Variants in ZNF16 observed in about 807,000 individuals in gnomAD.
ZNF16 encodes the protein zinc finger protein KOX9.
A neutral mutation model predicts 9.0 loss-of-function variants in ZNF16; 7 were observed. The ratio of observed to expected loss-of-function variants is 0.78; its 90% CI spans 0.44 to 1.47. The LOEUF is 1.47. Ranked by LOEUF, ZNF16 falls within the 40% of genes most tolerant of loss-of-function variation. The pLI is 0.01. For missense variants in ZNF16, 830 were observed against 854.2 expected (o/e 0.97, Z 0.35); for synonymous variants, 312 against 301.5 (o/e 1.03, Z -0.36).
rs144834152 is a variant in ZNF16, at chr8:144,930,489, G to A, written c.*249C>T. The A allele has an allele frequency of 5.6e-3, 2,413 of 432,094 alleles. 9 individuals are homozygous for A. The highest frequency in any genetic ancestry group is 7.4e-3 in the Non-Finnish European group (1,817 of 245,408). 26.8% of individuals were successfully genotyped at this position (432,094 alleles called of 1,614,324 possible). On this transcript the variant is annotated 3_prime_UTR_variant, in exon 3 of 3. Transcript: ENST00000394909. ...CATAATCTTCTCCCTTGTAACAAACGTGCAGTCCGTTCACAAGCTGTAAAA... is the reference window on the plus strand; with the variant it reads ...CATAATCTTCTCCCTTGTAACAAACATGCAGTCCGTTCACAAGCTGTAAAA...
At position 144,932,661 on chromosome 8, in the gene ZNF16, T is replaced by C. The variant is rs1415003501; in HGVS notation, c.197-71A>G. 3 of 1,517,874 alleles carry C rather than the reference T, an allele frequency of 2.0e-6. No homozygotes were observed. Among genetic ancestry groups the C allele is most frequent in the South Asian group, 1.3e-5 (1 of 79,666 alleles). The allele number at this position is 1,517,874 out of a possible 1,614,324, so 94.0% of individuals were successfully genotyped here. A position where few individuals can be genotyped will look rare whatever the true frequency, so the allele number is the denominator to read the frequency against. ...GGAGCAGGAACATAGACAGTCACAG[T>C]TGCACCCACTAACTGTGGAGGAGGC... On this transcript the variant is annotated intron_variant, in intron 2 of 2. Transcript: ENST00000394909. The surrounding 1 kb of genome is among the most constrained non-coding windows in gnomAD (Gnocchi z 5.0).
At chr8:144,943,473 A>T (rs902725912) in intron 2 of ZNF16, among the ~76,000 whole-genome samples, 18 of 151,162 alleles carry the variant, frequency 1.2e-4, no homozygotes, top group Non-Finnish European at 1.3e-4. Flanking sequence ...CCTACTATGC[A>T]CGTTGGTCTA....
intron 1 of ZNF16, among the ~76,000 whole-genome samples, chr8:144,947,155 G>T (rs1466956099): frequency 7.2e-6 from 1 of 138,872 alleles, no homozygotes; most frequent in Non-Finnish European, 1.5e-5. Flanking sequence ...CCTTCTGTGG[G>T]CCTGTACCCT....
intron 2 of ZNF16, among the ~76,000 whole-genome samples, chr8:144,940,085 C>T (rs1328026065): frequency 6.6e-6 from 1 of 151,952 alleles, no homozygotes; most frequent in Non-Finnish European, 1.5e-5. Context: ...ATCTTTCTTT[C>T]CTTTTTTTTT....
In ZNF16 at chr8:144,931,540, C is replaced by T. The variant is rs867116174; in HGVS notation, c.1247G>A (p.Arg416Gln). 14 of 1,612,936 alleles carry T rather than the reference C, an allele frequency of 8.7e-6. No homozygotes were observed. Among genetic ancestry groups the T allele is most frequent in the African/African-American group, 4.0e-5 (3 of 74,526 alleles). ...ECNDCGKPFS[R>Q]VSNLIKHHRV... ...GTGGTGCTTAATGAGGTTGGAGACC[C>T]GACTGAAGGGCTTGCCACAATCATT... The change falls in exon 3 of 3, where the codon CGG becomes CAG. Residue 416 changes from arginine to glutamine, a missense_variant. Coordinates refer to ENST00000394909, the MANE Select transcript of ZNF16 (RefSeq NM_006958.3).
At chr8:144,934,976 C>T (rs1052518616) in intron 2 of ZNF16, among the ~76,000 whole-genome samples, 4 of 152,022 alleles carry the variant, frequency 2.6e-5, no homozygotes, top group African/African-American at 9.7e-5. Context: ...GAAGAGATGG[C>T]GACCATGAGG....
In ZNF16 at chr8:144,949,789, T is replaced by C. The variant is rs548987696; in HGVS notation, c.-10+1008A>G. 7.3e-4 allele frequency among the ~76,000 whole-genome samples: 111 copies of C among 152,328 alleles called. 2 individuals are homozygous for C. Among genetic ancestry groups the C allele is most frequent in the Middle Eastern group, 6.8e-3 (2 of 294 alleles). ...GACTTCTGCCTTGGAAAGCCGGGTA[T>C]TGTCCAAGATTTGTCCCCATGTGAT... is the stretch of plus-strand genomic sequence containing the variant. On this transcript the variant is annotated intron_variant, in intron 1 of 2. Transcript: ENST00000394909.
At chr8:144,940,957 G>A (rs903582825) in intron 2 of ZNF16, among the ~76,000 whole-genome samples, 1 of 152,078 alleles carries the variant, frequency 6.6e-6, no homozygotes, top group Non-Finnish European at 1.5e-5. Flanking sequence ...TGCTCTCATG[G>A]CCCAGTCACC....
chr8:144,936,343 T>A (rs1285123674), intron 2 of ZNF16, among the ~76,000 whole-genome samples: 1 of 152,250 alleles, frequency 6.6e-6, no homozygotes, highest in African/African-American at 2.4e-5. Flanking sequence ...TTTGTACCTT[T>A]TGGCTATCAT....
intron 2 of ZNF16, among the ~76,000 whole-genome samples, chr8:144,936,158 T>C (rs1414826034): frequency 6.6e-6 from 1 of 152,234 alleles, no homozygotes; most frequent in East Asian, 1.9e-4. Flanking sequence ...GGATATTTTG[T>C]ACAAATGGAA....
chr8:144,937,261 G>A (rs1833708692), intron 2 of ZNF16, among the ~76,000 whole-genome samples: 1 of 148,676 alleles, frequency 6.7e-6, no homozygotes, highest in South Asian at 2.1e-4. Flanking sequence ...AAAGCCTCCA[G>A]AGTAGCTGGA....
chr8:144,941,088 T>C (rs1382630616), intron 2 of ZNF16, among the ~76,000 whole-genome samples: 1 of 152,198 alleles, frequency 6.6e-6, no homozygotes, highest in African/African-American at 2.4e-5. Flanking sequence ...TTAGGTCTAG[T>C]TGGGTTGTAA....
At chr8:144,940,474 CTG>C (rs1386652991) in intron 2 of ZNF16, among the ~76,000 whole-genome samples, 1 of 152,222 alleles carries the variant, frequency 6.6e-6, no homozygotes, top group Non-Finnish European at 1.5e-5. Flanking sequence ...TATTGTCTAA[CTG>C]TCTGATTTCA....
intron 2 of ZNF16, among the ~76,000 whole-genome samples, chr8:144,938,334 A>C (rs1450976061): frequency 4.6e-5 from 7 of 152,236 alleles, no homozygotes; most frequent in Non-Finnish European, 1.0e-4. Flanking sequence ...ATGGCATTGA[A>C]TCTGTAGAAC....
At chr8:144,947,452 C>A (rs913500782) in intron 1 of ZNF16, among the ~76,000 whole-genome samples, 2 of 152,272 alleles carry the variant, frequency 1.3e-5, no homozygotes, top group Admixed American at 6.5e-5. Context: ...TCACAATGCT[C>A]TGAAGCTGGG....
rs1833492728 is a variant in ZNF16, at chr8:144,930,401, C to T, written c.*337G>A. ...ACTATGGTTATCTCAAACCAAACGT[C>T]ACTTTACTTTTTTGGTAACTTTTCA... is the stretch of plus-strand genomic sequence containing the variant. On this transcript the variant is annotated 3_prime_UTR_variant, in exon 3 of 3. Coordinates refer to ENST00000394909, the MANE Select transcript of ZNF16 (RefSeq NM_006958.3). 1 of 236,970 alleles carries T rather than the reference C, an allele frequency of 4.2e-6. No individual in the cohort carries two copies. The highest frequency in any genetic ancestry group is 8.6e-5 in the East Asian group (1 of 11,620). The allele number at this position is 236,970 out of a possible 1,614,324, so 14.7% of individuals were successfully genotyped here.
At position 144,930,911 on chromosome 8, in the gene ZNF16, C is replaced by A. The variant is rs755329381; in HGVS notation, c.1876G>T (p.Glu626Ter). Reference sequence around the variant, plus strand: ...CACTCACTGCATTTGTAGGGGCGCTCGCCCGTGTGGATTATCTGATGCTGA... The same window carrying A: ...CACTCACTGCATTTGTAGGGGCGCTAGCCCGTGTGGATTATCTGATGCTGA... ...LIQHQIIHTG[E>*]RPYKCSECGK... The change falls in exon 3 of 3, where the codon GAG becomes TAG. Residue 626 changes from glutamate to a stop codon, truncating the protein, a stop_gained. Coordinates refer to ENST00000394909, the MANE Select transcript of ZNF16 (RefSeq NM_006958.3). LOFTEE classifies it high-confidence loss of function. The A allele has an allele frequency of 6.2e-7, 1 of 1,611,268 alleles. No individual in the cohort carries two copies. The highest frequency in any genetic ancestry group is 8.5e-7 in the Non-Finnish European group (1 of 1,178,498).
At chr8:144,934,863 T>TA (rs145118319) in intron 2 of ZNF16, among the ~76,000 whole-genome samples, 1 of 152,086 alleles carries the variant, frequency 6.6e-6, no homozygotes. Context: ...TTAAAACCCT[T>TA]AAAAAACACC....
intron 2 of ZNF16, among the ~76,000 whole-genome samples, chr8:144,943,798 G>A (rs1163544571): frequency 6.6e-6 from 1 of 152,128 alleles, no homozygotes; most frequent in Non-Finnish European, 1.5e-5. Flanking sequence ...GGGATGACAG[G>A]CGTGAGCCAC....
Sources: allele counts gnomAD v4.1 joint callset (sites outside exome capture counted in the v4.1 genomes callset), GRCh38; gene constraint gnomAD v4.1.1; non-coding constraint Gnocchi (gnomAD v3.1); transcripts MANE v1.5; gene names NCBI Gene and HGNC (gene_info 2026-07-23, HGNC 2026-07-21).